FHIP2A: variants seen among roughly 807,000 people sequenced by gnomAD.
The protein encoded by FHIP2A is family with sequence similarity 160 member B1.
FHIP2A carries 46 observed loss-of-function variants against 93.5 expected under a neutral mutation model. The ratio of observed to expected loss-of-function variants is 0.49; its 90% confidence interval spans 0.39 to 0.63. The LOEUF (loss-of-function observed/expected upper bound fraction) is 0.63. Among genes scored for constraint, FHIP2A ranks in the 20% least tolerant of loss-of-function variants. The pLI is 0.00. For missense variants in FHIP2A, 769 were observed against 909.7 expected (o/e 0.85, Z 1.99); for synonymous variants, 332 against 326.5 (o/e 1.02, Z -0.18).
At chr10:114,831,045 G>A (rs2083604829) in intron 2 of FHIP2A, 115 bp downstream of exon 2, 3 of 594,964 alleles carry the variant, frequency 5.0e-6, no homozygotes, top group Non-Finnish European at 8.6e-6. Flanking sequence ...TAAGTTTATA[G>A]ACAATCTTAT....
intron 7 of FHIP2A, 124 bp from the exon 8 acceptor site, chr10:114,845,243 A>G (rs903312357): frequency 2.8e-5 from 15 of 537,734 alleles, no homozygotes; most frequent in Admixed American, 2.8e-4. Context: ...GTCCTCCAGC[A>G]TTTCCTGTGT....
At chr10:114,868,926 A>G (rs1038964554), downstream of FHIP2A, among the ~76,000 whole-genome samples, 1 of 152,194 alleles carries the variant, frequency 6.6e-6, no homozygotes. Context: ...GCTGAGAACT[A>G]TAATCATAAT....
At chr10:114,859,982 G>A (rs377190118) in intron 14 of FHIP2A, among the ~76,000 whole-genome samples, 1 of 152,218 alleles carries the variant, frequency 6.6e-6, no homozygotes, top group African/African-American at 2.4e-5. Context: ...GTGTTTTTGG[G>A]AATTGGCAGT....
intron 16 of FHIP2A, among the ~76,000 whole-genome samples, chr10:114,885,398 AAAAAAAAAAAAAAG>A (rs1191588553): frequency 7.0e-6 from 1 of 143,616 alleles, no homozygotes; most frequent in Non-Finnish European, 1.5e-5. Context: ...TCCATCTGAG[AAAAAAAAAAAAAAG>A]AAAAAAAAAA....
At chr10:114,848,157 C>A (rs545859370) in intron 12 of FHIP2A, among the ~76,000 whole-genome samples, 1 of 151,274 alleles carries the variant, frequency 6.6e-6, no homozygotes, top group Non-Finnish European at 1.5e-5. Context: ...CTTTTGCTTC[C>A]CTTGCAGTGT....
chr10:114,871,045 T>C (rs576312685), intron 16 of FHIP2A, among the ~76,000 whole-genome samples: 1 of 150,514 alleles, frequency 6.6e-6, no homozygotes, highest in Non-Finnish European at 1.5e-5. Context: ...CACATACATA[T>C]ACATACATAT....
rs1258998110 is a variant in FHIP2A, at chr10:114,861,464, T to A, written c.2222T>A (p.Val741Glu). The change falls in exon 17 of 17, where the codon GTG (valine) becomes GAG (glutamate). Residue 741 changes from valine to glutamate, a missense_variant. Physicochemically the swap from Val to Glu is moderately radical, Grantham distance 121 (BLOSUM62 -2). Transcript: ENST00000369248. ...GACCACATCACACTGCTAGAGGGTG[T>A]GATTGTGTTAGAAGAGTTCTGTAAG... ...IIDHITLLEG[V>E]IVLEEFCKEL... 1 of 1,614,076 alleles carries A rather than the reference T, an allele frequency of 6.2e-7. No individual in the cohort carries two copies. The highest frequency in any genetic ancestry group is 2.2e-5 in the East Asian group (1 of 44,872).
Position 114,836,215 on chromosome 10 carries a change from A to G in FHIP2A, c.491A>G (p.Gln164Arg), listed in dbSNP as rs1027037174. 6.2e-7 allele frequency: 1 copy of G among 1,601,522 alleles called. No homozygotes were observed. The highest frequency in any genetic ancestry group is 8.5e-7 in the Non-Finnish European group (1 of 1,171,148). ...FLCIVCAKLK[Q>R]DPYLVNFFLE... Reference sequence around the variant, plus strand: ...TGCATTGTGTGTGCGAAGCTGAAACAGGACCCCTACCTGGTTAACTTTTTC... The same window carrying G: ...TGCATTGTGTGTGCGAAGCTGAAACGGGACCCCTACCTGGTTAACTTTTTC... The change falls in exon 5 of 17, where the codon CAG (glutamine) becomes CGG (arginine). Residue 164 changes from glutamine to arginine, a missense_variant. By Grantham distance (43) the Gln-to-Arg change is conservative. Transcript: ENST00000369248.
In FHIP2A at chr10:114,878,386, A is replaced by C. The variant is rs546296482; in HGVS notation, c.2192+17052A>C. Among the ~76,000 whole-genome samples the C allele has an allele frequency of 3.3e-5, 5 of 152,328 alleles. No homozygotes were observed. The East Asian group carries it at 9.7e-4, about 29-fold the overall frequency. ...CTAGTCCAACCAACTGAGGCTGAGG[A>C]TAAGAGGAGTGGGGGCAAAGTCACT... On this transcript the variant is annotated intron_variant, in intron 16 of 16. Coordinates refer to the FHIP2A transcript ENST00000369250.
Position 114,843,041 on chromosome 10 carries a change from G to C in FHIP2A, c.631G>C (p.Glu211Gln). 1 of 1,614,120 alleles carries C rather than the reference G, an allele frequency of 6.2e-7. No individual in the cohort carries two copies. The highest frequency in any genetic ancestry group is 8.5e-7 in the Non-Finnish European group (1 of 1,179,986). Reference sequence around the variant, plus strand: ...AGATACAGGACAGTCCCGTCAACCAGAGGAACTATCTGGTGCTACTGGAAT... The same window carrying C: ...AGATACAGGACAGTCCCGTCAACCACAGGAACTATCTGGTGCTACTGGAAT... ...STDTGQSRQP[E>Q]ELSGATGMEQ... Residue 211 changes from glutamate to glutamine, a missense_variant, in exon 6 of 17, where the codon GAG becomes CAG. By Grantham distance (29) the Glu-to-Gln change is conservative. Coordinates refer to ENST00000369248, the MANE Select transcript of FHIP2A (RefSeq NM_020940.4).
chr10:114,885,808 G>C (rs1180258950), intron 16 of FHIP2A, among the ~76,000 whole-genome samples: 3 of 152,284 alleles, frequency 2.0e-5, no homozygotes, highest in African/African-American at 7.2e-5. Context: ...CTCTCCCTCA[G>C]CTAGGACCTG....
rs1342194202 is a variant in FHIP2A at position 114,821,851 on chromosome 10, C to G, written c.-228C>G. On this transcript the variant is annotated 5_prime_UTR_variant, in exon 1 of 17. Coordinates refer to ENST00000369248, the MANE Select transcript of FHIP2A (RefSeq NM_020940.4). ...CTCCGGGCCCCGAGTCCTCGCCGAACGCCCTCCTCGCCGCCCGCCGCGTCC... is the reference window on the plus strand; with the variant it reads ...CTCCGGGCCCCGAGTCCTCGCCGAAGGCCCTCCTCGCCGCCCGCCGCGTCC... 7.8e-6 allele frequency: 2 copies of G among 257,668 alleles called. No individual in the cohort carries two copies. Among genetic ancestry groups the G allele is most frequent in the East Asian group, 1.3e-4 (2 of 15,610 alleles). 16.0% of individuals were successfully genotyped at this position (257,668 alleles called of 1,614,324 possible). A position where few individuals can be genotyped will look rare whatever the true frequency, so the allele number is the denominator to read the frequency against.
At chr10:114,899,063 C>T (rs2084014469) in intron 16 of FHIP2A, among the ~76,000 whole-genome samples, 1 of 152,204 alleles carries the variant, frequency 6.6e-6, no homozygotes, top group African/African-American at 2.4e-5. Flanking sequence ...GGATGGACAA[C>T]CACATGCTGA....
chr10:114,847,133 A>G lies in FHIP2A; in HGVS notation c.1612A>G (p.Asn538Asp). ...ATTATTTACTGACATTTCACCAGAA[A>G]ACACTTTGCCAAACCAAGAGTGGCT... ...DPLFTDISPE[N>D]TLPNQEWLSS... The change falls in exon 12 of 17, where the codon AAC becomes GAC. Residue 538 changes from asparagine (N) to aspartate (D), a missense_variant. By Grantham distance (23) the Asn-to-Asp change is conservative. Coordinates refer to ENST00000369248, the MANE Select transcript of FHIP2A (RefSeq NM_020940.4). 6.2e-7 allele frequency: 1 copy of G among 1,613,336 alleles called. No individual in the cohort carries two copies. Among genetic ancestry groups the G allele is most frequent in the Non-Finnish European group, 8.5e-7 (1 of 1,179,450 alleles).
In FHIP2A at chr10:114,863,240, C is replaced by T; in HGVS notation, c.*1700C>T. 1.0e-6 allele frequency: 1 copy of T among 971,646 alleles called. No homozygotes were observed. The highest frequency in any genetic ancestry group is 1.2e-6 in the Non-Finnish European group (1 of 821,734). 60.2% of individuals were successfully genotyped at this position (971,646 alleles called of 1,614,324 possible). ...TCATTTTGAATGATGTGAAGGCATTCAGTTTGCTGTATTTTTTTAATCACT... is the reference window on the plus strand; with the variant it reads ...TCATTTTGAATGATGTGAAGGCATTTAGTTTGCTGTATTTTTTTAATCACT... On this transcript the variant is annotated 3_prime_UTR_variant, in exon 17 of 17. Coordinates refer to ENST00000369248, the MANE Select transcript of FHIP2A (RefSeq NM_020940.4).
At chr10:114,861,144 T>C in intron 15 of FHIP2A, 87 bp from the exon 16 acceptor site, 2 of 1,533,986 alleles carry the variant, frequency 1.3e-6, no homozygotes, top group Non-Finnish European at 1.8e-6. Context: ...TATTAAATAG[T>C]AGGGAAGGAA....
chr10:114,845,334 C>T (rs1412485633), intron 7 of FHIP2A, 33 bp from the exon 8 acceptor site: 1 of 1,294,070 alleles, frequency 7.7e-7, no homozygotes, highest in Non-Finnish European at 1.1e-6. Context: ...TTTTGGATAA[C>T]TTTGGACTTA....
At chr10:114,869,859 CTT>C (rs1470478602) in intron 16 of FHIP2A, among the ~76,000 whole-genome samples, 1 of 152,154 alleles carries the variant, frequency 6.6e-6, no homozygotes, top group African/African-American at 2.4e-5. Context: ...TGGTTGGAGT[CTT>C]TTCATGCATA....
At chr10:114,844,899 C>T (rs908976768) in intron 7 of FHIP2A, among the ~76,000 whole-genome samples, 1 of 152,122 alleles carries the variant, frequency 6.6e-6, no homozygotes, top group Non-Finnish European at 1.5e-5. Flanking sequence ...ATTCCCGTGC[C>T]TCAGCTTCCC....
Sources: allele counts gnomAD v4.1 joint callset (sites outside exome capture counted in the v4.1 genomes callset), GRCh38; gene constraint gnomAD v4.1.1; transcripts MANE v1.5; gene names NCBI Gene and HGNC (gene_info 2026-07-23, HGNC 2026-07-21).